The following RGS7 variants were observed in gnomAD, a reference collection of about 807,000 sequenced individuals.
RGS7 encodes regulator of G-protein signaling 7.
In RGS7, 27 loss-of-function variants were observed where a neutral mutation model predicts 81.1. That is an observed-to-expected ratio of 0.33 (90% CI 0.25 to 0.46). The LOEUF is 0.46. Among genes scored for constraint, RGS7 ranks in the 20% least tolerant of loss-of-function variants. The pLI, the probability that RGS7 is intolerant of heterozygous loss-of-function variation, is 1.00. For synonymous variants in RGS7, 208 were observed against 207.7 expected, an observed-to-expected ratio of 1.00 and a Z score of -0.01; for missense variants, 396 against 607.4, an observed-to-expected ratio of 0.65 and a Z score of 3.66.
At chr1:241,004,566 C>G (rs553161680) in intron 3 of RGS7, among the ~76,000 whole-genome samples, 1 of 152,124 alleles carries the variant, frequency 6.6e-6, no homozygotes, top group Admixed American at 6.5e-5. Flanking sequence ...TATATGGAAG[C>G]CTTCTGGATG....
At chr1:241,292,467 T>G (rs898529488) in intron 2 of RGS7, among the ~76,000 whole-genome samples, 1 of 152,128 alleles carries the variant, frequency 6.6e-6, no homozygotes, top group Non-Finnish European at 1.5e-5. Context: ...GCTTGTGTAG[T>G]GTAGTGGGCT....
chr1:241,107,148 C>CT (rs2065176161), intron 2 of RGS7, among the ~76,000 whole-genome samples: 1 of 152,160 alleles, frequency 6.6e-6, no homozygotes, highest in Non-Finnish European at 1.5e-5. Flanking sequence ...ATGCTTACTG[C>CT]CCCCTCCACT....
At position 241,089,021 on chromosome 1, in the gene RGS7, A is replaced by ATCTCTCTCTCTCTC. The variant is rs1158514403; in HGVS notation, c.175+9631_175+9644dup. ...AGCCTGGGCCACAGAGCAAGACTCC[A>ATCTCTCTCTCTCTC]TCTCTCTCTCTCTCTCTCTCTCTCT... On this transcript the variant is annotated intron_variant, in intron 3 of 18. Coordinates refer to ENST00000440928, the MANE Select transcript of RGS7 (RefSeq NM_001364886.1). Among the ~76,000 whole-genome samples the ATCTCTCTCTCTCTC allele has an allele frequency of 4.6e-3, 108 of 23,630 alleles. 13 individuals carry two copies. The highest frequency in any genetic ancestry group is 0.012 in the African/African-American group (45 of 3,700). The allele number at this position is 23,630 out of a possible 152,430, so 15.5% of individuals were successfully genotyped here.
intron 3 of RGS7, among the ~76,000 whole-genome samples, chr1:241,036,952 A>G (rs1274973216): frequency 6.6e-6 from 1 of 152,164 alleles, no homozygotes; most frequent in East Asian, 1.9e-4. Flanking sequence ...AAGGACCCAC[A>G]AGATGAAAAA....
At chr1:241,030,493 T>TACATACACACACAC (rs1553394072) in intron 3 of RGS7, among the ~76,000 whole-genome samples, 2 of 140,454 alleles carry the variant, frequency 1.4e-5, no homozygotes, top group South Asian at 2.3e-4. Context: ...TATATAGATG[T>TACATACACACACAC]ACACACACAC....
intron 3 of RGS7, among the ~76,000 whole-genome samples, chr1:241,001,706 C>T (rs1688166486): frequency 6.6e-6 from 1 of 152,104 alleles, no homozygotes; most frequent in African/African-American, 2.4e-5. Context: ...CACTGTATGA[C>T]TCCAACAATG....
chr1:240,793,611 A>ATATATATATATATATTTTTTTTTTTTT, intron 18 of RGS7, among the ~76,000 whole-genome samples: 1 of 78,810 alleles, frequency 1.3e-5, no homozygotes, highest in African/African-American at 9.7e-5. Context: ...ATATATATAT[A>ATATATATATATATATTTTTTTTTTTTT]TTTTTTTTTT....
At chr1:241,184,581 C>T (rs1411114054) in intron 2 of RGS7, among the ~76,000 whole-genome samples, 2 of 152,190 alleles carry the variant, frequency 1.3e-5, no homozygotes, top group East Asian at 3.9e-4. Flanking sequence ...AAGTACTTAA[C>T]ACAAACTTTG....
intron 2 of RGS7, among the ~76,000 whole-genome samples, chr1:241,278,089 T>G (rs1170712659): frequency 3.3e-5 from 5 of 152,230 alleles, no homozygotes; most frequent in African/African-American, 1.2e-4. Context: ...TCCTGCCATA[T>G]TTTCAATAAT....
chr1:241,301,825 T>C (rs1035797797), intron 2 of RGS7, among the ~76,000 whole-genome samples: 1 of 152,230 alleles, frequency 6.6e-6, no homozygotes, highest in East Asian at 1.9e-4. Flanking sequence ...TCTAAAGCAA[T>C]GTGCATTACC....
At chr1:241,259,720 GT>G (rs926481802) in intron 2 of RGS7, among the ~76,000 whole-genome samples, 1 of 138,368 alleles carries the variant, frequency 7.2e-6, no homozygotes, top group Non-Finnish European at 1.5e-5. Context: ...ACAACAATAT[GT>G]TTTGATGCTC....
chr1:241,282,184 C>A (rs988185731), intron 2 of RGS7, among the ~76,000 whole-genome samples: 2 of 152,192 alleles, frequency 1.3e-5, no homozygotes, highest in Non-Finnish European at 2.9e-5. Context: ...CAGTGTCTAT[C>A]ATTCCCATCT....
chr1:240,936,794 T>C (rs1572859596), intron 4 of RGS7, 88 bp from the exon 5 acceptor site: 7 of 958,008 alleles, frequency 7.3e-6, no homozygotes, highest in African/African-American at 6.5e-5. Flanking sequence ...TGGTTCCTTT[T>C]GTCAGATACA....
chr1:241,289,809 G>A (rs75727231), intron 2 of RGS7, among the ~76,000 whole-genome samples: 8,573 of 152,120 alleles, frequency 0.056, 350 homozygotes, highest in Non-Finnish European at 0.077. Context: ...TGGTACGAGG[G>A]AAGATGGAGG....
intron 3 of RGS7, among the ~76,000 whole-genome samples, chr1:241,089,096 T>C (rs945294687): frequency 3.5e-5 from 4 of 115,062 alleles, no homozygotes; most frequent in Non-Finnish European, 5.3e-5. Context: ...TATATATATA[T>C]ACTGGCTTAG....
At chr1:240,969,613 T>C (rs1018774538) in intron 4 of RGS7, among the ~76,000 whole-genome samples, 2 of 152,192 alleles carry the variant, frequency 1.3e-5, no homozygotes, top group African/African-American at 2.4e-5. Context: ...TAATAAACAA[T>C]ATATATTTAA....
intron 2 of RGS7, among the ~76,000 whole-genome samples, chr1:241,223,681 G>T (rs1043380727): frequency 8.0e-5 from 12 of 150,710 alleles, no homozygotes; most frequent in African/African-American, 2.7e-4. Flanking sequence ...TGTCCAGAGG[G>T]TTAAATCAGG....
intron 2 of RGS7, among the ~76,000 whole-genome samples, chr1:241,215,640 T>A (rs529344679): frequency 6.6e-6 from 1 of 152,138 alleles, no homozygotes; most frequent in Non-Finnish European, 1.5e-5. Flanking sequence ...CTTCAAAAAT[T>A]TTTTTTGGCC....
At chr1:241,221,737 G>T (rs2075028524) in intron 2 of RGS7, among the ~76,000 whole-genome samples, 1 of 152,066 alleles carries the variant, frequency 6.6e-6, no homozygotes, top group Admixed American at 6.5e-5. Flanking sequence ...ACCCCCAACT[G>T]AAAAAAGAAT....
Sources: allele counts gnomAD v4.1 joint callset (sites outside exome capture counted in the v4.1 genomes callset), GRCh38; gene constraint gnomAD v4.1.1; transcripts MANE v1.5; gene names NCBI Gene and HGNC (gene_info 2026-07-23, HGNC 2026-07-21).